JMJD1C: variants seen among roughly 807,000 people sequenced by gnomAD.
JMJD1C encodes the protein jumonji domain containing 1C, also known as jumonji domain-containing protein 1C.
JMJD1C carries 31 observed loss-of-function variants against 245.3 expected under a neutral mutation model. The ratio of observed to expected loss-of-function variants is 0.13; its 90% CI spans 0.09 to 0.17. JMJD1C has a LOEUF of 0.17. Ranked by LOEUF, JMJD1C falls within the 10% of genes least tolerant of loss-of-function variation. The pLI is 1.00. For missense variants in JMJD1C, 2,691 were observed against 3,000.2 expected (o/e 0.90, Z 2.41); for synonymous variants, 1,057 against 1,017.4 (o/e 1.04, Z -0.74).
At chr10:63,232,901 GTTCATTTTCTGTTTACTTTT>G (rs1850191558) in intron 3 of JMJD1C, among the ~76,000 whole-genome samples, 1 of 152,014 alleles carries the variant, frequency 6.6e-6, no homozygotes, top group Non-Finnish European at 1.5e-5. Flanking sequence ...TAATTTCAAA[GTTCATTTTCTGTTTACTTTT>G]AAATTTTTCC....
intron 2 of JMJD1C, chr10:63,268,823 C>T (rs1261423665): frequency 2.0e-6 from 2 of 985,644 alleles, no homozygotes; most frequent in Non-Finnish European, 2.4e-6. Flanking sequence ...GGCTCTCAAA[C>T]CAAGCATTTC....
chr10:63,357,960 A>C (rs899276549), intron 2 of JMJD1C, among the ~76,000 whole-genome samples: 6 of 151,822 alleles, frequency 4.0e-5, no homozygotes, highest in Admixed American at 2.6e-4. Flanking sequence ...AAAAAAAAAA[A>C]ACCTCTCAAA....
intron 1 of JMJD1C, among the ~76,000 whole-genome samples, chr10:63,495,272 C>CAA (rs1030212613): frequency 1.5e-5 from 2 of 137,380 alleles, no homozygotes; most frequent in African/African-American, 2.7e-5. Context: ...GGGATTATCT[C>CAA]AAAAAAAAAA....
chr10:63,376,429 C>T (rs1946749035), intron 2 of JMJD1C, among the ~76,000 whole-genome samples: 2 of 152,050 alleles, frequency 1.3e-5, no homozygotes, highest in South Asian at 4.1e-4. Flanking sequence ...AGTTGGGCTT[C>T]ATCAAAATTT....
chr10:63,258,971 A>G (rs933211513), intron 3 of JMJD1C, among the ~76,000 whole-genome samples: 2 of 152,246 alleles, frequency 1.3e-5, no homozygotes, highest in Non-Finnish European at 2.9e-5. Flanking sequence ...AAGTATACTA[A>G]TAAATACTGT....
At chr10:63,447,896 G>A (rs772957962) in intron 1 of JMJD1C, among the ~76,000 whole-genome samples, 6 of 151,870 alleles carry the variant, frequency 4.0e-5, no homozygotes, top group Admixed American at 1.3e-4. Context: ...CTGAGACCAC[G>A]CCACTGCACT....
chr10:63,487,975 C>A (rs142045742), intron 1 of JMJD1C, among the ~76,000 whole-genome samples: 5 of 152,044 alleles, frequency 3.3e-5, no homozygotes, highest in African/African-American at 9.7e-5. Flanking sequence ...GAAGACACTG[C>A]GACACAGAGA....
At chr10:63,352,781 T>C (rs958523971) in intron 2 of JMJD1C, among the ~76,000 whole-genome samples, 2 of 152,158 alleles carry the variant, frequency 1.3e-5, no homozygotes, top group African/African-American at 2.4e-5. Flanking sequence ...TGCGTAGTTT[T>C]TAATAGAACA....
chr10:63,414,243 C>T (rs1949672871), intron 1 of JMJD1C, among the ~76,000 whole-genome samples: 1 of 152,092 alleles, frequency 6.6e-6, no homozygotes, highest in African/African-American at 2.4e-5. Flanking sequence ...GCCTCGGCCT[C>T]CCAAAGTGCT....
intron 3 of JMJD1C, among the ~76,000 whole-genome samples, chr10:63,230,873 C>G (rs984624942): frequency 1.3e-5 from 2 of 151,816 alleles, no homozygotes; most frequent in Non-Finnish European, 2.9e-5. Flanking sequence ...TTCTACCACA[C>G]AAGGTTAATG....
chr10:63,208,242 G>C lies in JMJD1C; in HGVS notation c.3427C>G (p.Leu1143Val). The part of the protein sequence containing the change: ...PQTLTSFITS[L>V]SKPPPLIKHQ... The stretch of plus-strand genomic sequence containing the variant: ...TTAATCAAAGGTGGAGGCTTTGAAA[G>C]AGATGTTATAAATGAAGTCAGAGTT... Residue 1143 changes from leucine (L) to valine (V), a missense_variant, in exon 10 of 26, where the codon CTT (leucine) becomes GTT (valine). Physicochemically the swap from Leu to Val is conservative, Grantham distance 32. This residue lies in a region of JMJD1C where 1,562 missense variants were observed against 1,490.7 expected (regional missense o/e 1.05). Coordinates refer to ENST00000399262, the MANE Select transcript of JMJD1C (RefSeq NM_032776.3). 1 of 1,613,998 alleles carries C rather than the reference G, an allele frequency of 6.2e-7. No individual in the cohort carries two copies. Among genetic ancestry groups the C allele is most frequent in the Non-Finnish European group, 8.5e-7 (1 of 1,179,912 alleles).
chr10:63,235,458 T>C (rs373729620), intron 3 of JMJD1C, among the ~76,000 whole-genome samples: 4 of 151,900 alleles, frequency 2.6e-5, no homozygotes, highest in South Asian at 4.1e-4. Context: ...GGTTGTGCCA[T>C]TGCACTCCAG....
intron 24 of JMJD1C, among the ~76,000 whole-genome samples, chr10:63,175,080 G>C (rs1842759735): frequency 6.6e-6 from 1 of 152,162 alleles, no homozygotes; most frequent in African/African-American, 2.4e-5. Flanking sequence ...TGTGAATAAA[G>C]ATCTTCAAGG....
At chr10:63,369,552 T>G in intron 2 of JMJD1C, among the ~76,000 whole-genome samples, 1 of 152,236 alleles carries the variant, frequency 6.6e-6, no homozygotes, top group East Asian at 1.9e-4. Flanking sequence ...GAAAATGATG[T>G]ACATAATGGC....
chr10:63,425,740 C>T (rs912766250), intron 1 of JMJD1C, among the ~76,000 whole-genome samples: 1 of 152,160 alleles, frequency 6.6e-6, no homozygotes, highest in Admixed American at 6.5e-5. Context: ...CAAGATTGCA[C>T]CACTGCACTC....
At chr10:63,436,557 C>T (rs1030986861) in intron 1 of JMJD1C, among the ~76,000 whole-genome samples, 1 of 152,170 alleles carries the variant, frequency 6.6e-6, no homozygotes, top group Non-Finnish European at 1.5e-5. Flanking sequence ...CATGCGTACC[C>T]TAAAATGTTA....
chr10:63,321,643 G>A (rs1432572091), intron 2 of JMJD1C, among the ~76,000 whole-genome samples: 2 of 152,198 alleles, frequency 1.3e-5, no homozygotes, highest in African/African-American at 2.4e-5. Flanking sequence ...GTCTGGGTAA[G>A]AGGTAGGGAA....
At chr10:63,414,323 T>G (rs1325547777) in intron 1 of JMJD1C, among the ~76,000 whole-genome samples, 2 of 152,294 alleles carry the variant, frequency 1.3e-5, no homozygotes, top group East Asian at 3.9e-4. Flanking sequence ...CTAAGAAAAC[T>G]GAATCTACTA....
chr10:63,253,939 G>A (rs1053872261), intron 3 of JMJD1C, among the ~76,000 whole-genome samples: 5 of 152,058 alleles, frequency 3.3e-5, no homozygotes, highest in Non-Finnish European at 5.9e-5. Context: ...TAGGTTCTTT[G>A]AAGGTATTTG....
Sources: gnomAD v4.1 joint callset for allele counts (sites outside exome capture counted in the v4.1 genomes callset) on GRCh38, gnomAD v4.1.1 for gene constraint, gnomAD v4.1.1 regional missense constraint, MANE v1.5 for transcripts, NCBI Gene and HGNC (gene_info 2026-07-23, HGNC 2026-07-21) for gene names.